WDR87: variants seen among roughly 807,000 people sequenced by gnomAD.
The protein encoded by WDR87 is WD repeat domain 87, also known as WD repeat-containing protein 87.
WDR87 carries 56 observed loss-of-function variants against 83.3 expected under a neutral mutation model. The observed-to-expected ratio is 0.67, with a 90% CI of 0.54 to 0.84. WDR87 has a LOEUF of 0.84. Ranked by LOEUF, WDR87 falls within the 40% of genes least tolerant of loss-of-function variation. The pLI, the probability that WDR87 is intolerant of heterozygous loss-of-function variation, is 0.00. For missense variants in WDR87, 2,939 were observed against 3,431.9 expected (o/e 0.86, Z 3.59); for synonymous variants, 1,173 against 1,250.6 (o/e 0.94, Z 1.31).
intron 1 of WDR87, 147 bp from the exon 2 acceptor site, chr19:37,898,432 C>T (rs1428995907): frequency 3.3e-5 from 35 of 1,062,620 alleles, no homozygotes; most frequent in Non-Finnish European, 4.5e-5. Flanking sequence ...ATTTCATCCA[C>T]TCTACAGCCC....
intron 1 of WDR87, among the ~76,000 whole-genome samples, chr19:37,899,416 CAAAAAAA>C (rs11378161): frequency 1.3e-5 from 1 of 79,268 alleles, no homozygotes; most frequent in African/African-American, 5.1e-5. Flanking sequence ...GACTCAGTCT[CAAAAAAA>C]AAAAAAAAAA....
Position 37,892,831 on chromosome 19 carries a change from G to A in WDR87, c.2872C>T (p.Arg958Cys), listed in dbSNP as rs868014527. ...FASYQVSPAL[R>C]SETARRLLND... ...AGTAGCCGACGGGCTGTCTCAGAGCGTAGGGCTGGGGACACCTGGTAAGAG... is the reference window on the plus strand; with the variant it reads ...AGTAGCCGACGGGCTGTCTCAGAGCATAGGGCTGGGGACACCTGGTAAGAG... The change falls in exon 4 of 6, where the codon CGC becomes TGC. Residue 958 changes from arginine (R) to cysteine (C), a missense_variant. Arg to Cys is a radical substitution (Grantham distance 180). This residue lies in a region of WDR87 where 2,160 missense variants were observed against 2,533.1 expected (regional missense o/e 0.85). Coordinates refer to ENST00000447313, the MANE Select transcript of WDR87 (RefSeq NM_001291088.2). 7.7e-6 allele frequency: 12 copies of A among 1,551,692 alleles called. No individual in the cohort carries two copies. The highest frequency in any genetic ancestry group is 2.4e-5 in the East Asian group (1 of 40,932).
At chr19:37,899,697 C>T (rs1278480942) in intron 1 of WDR87, among the ~76,000 whole-genome samples, 1 of 152,174 alleles carries the variant, frequency 6.6e-6, no homozygotes, top group Non-Finnish European at 1.5e-5. Context: ...ATCCTCCTAC[C>T]TTGGCCTCCC....
Position 37,889,460 on chromosome 19 carries a change from A to T in WDR87, c.4211T>A (p.Val1404Glu). 6.4e-7 allele frequency: 1 copy of T among 1,551,462 alleles called. No individual in the cohort carries two copies. Among genetic ancestry groups the T allele is most frequent in the Non-Finnish European group, 8.7e-7 (1 of 1,146,930 alleles). The change falls in exon 6 of 6, where the codon GTG becomes GAG. Residue 1404 changes from valine to glutamate, a missense_variant. Physicochemically the swap from Val to Glu is moderately radical, Grantham distance 121. Transcript: ENST00000447313. ...RDMLGLEETQ[V>E]ILKKGKKVIF... is the part of the protein sequence containing the mutation. ...AACTTTCTTGCCCTTTTTCAAAATC[A>T]CTTGGGTTTCCTCCAAGCCCAGCAT...
rs2046167125 is a variant in WDR87 at position 37,888,077 on chromosome 19, A to C, written c.5594T>G (p.Leu1865Arg). The change falls in exon 6 of 6, where the codon CTC becomes CGC. Residue 1865 changes from leucine to arginine, a missense_variant. Physicochemically the swap from Leu to Arg is moderately radical, Grantham distance 102. Coordinates refer to ENST00000447313, the MANE Select transcript of WDR87 (RefSeq NM_001291088.2). ...RERWINSMEE[L>R]TKNKMILYQK... The stretch of plus-strand genomic sequence containing the variant: ...GTACAGTATCATCTTGTTCTTTGTG[A>C]GTTCTTCCATGCTGTTGATCCATCT... 1.9e-6 allele frequency: 3 copies of C among 1,551,344 alleles called. No individual in the cohort carries two copies. The African/African-American group carries it at 4.1e-5, about 21-fold the overall frequency.
Position 37,888,640 on chromosome 19 carries a change from G to C in WDR87, c.5031C>G (p.Ala1677=). The change falls in exon 6 of 6, where the codon GCC becomes GCG. Residue 1677 remains alanine (A), a synonymous_variant. Transcript: ENST00000447313. ...TTTGGGCCAGTGTTTCCTCTTTCTG[G>C]GCAAACTTACCCTCTGCCTGGGCCA... ...REMAQAEGKF[A]QKEETLAQRG... The C allele has an allele frequency of 6.4e-7, 1 of 1,551,420 alleles. No individual in the cohort carries two copies. Among genetic ancestry groups the C allele is most frequent in the Middle Eastern group, 1.7e-4 (1 of 5,992 alleles).
Position 37,889,900 on chromosome 19 carries a change from C to T in WDR87, c.3771G>A (p.Lys1257=). The T allele has an allele frequency of 6.4e-7, 1 of 1,551,524 alleles. No individual in the cohort carries two copies. The highest frequency in any genetic ancestry group is 8.7e-7 in the Non-Finnish European group (1 of 1,146,984). The change falls in exon 6 of 6, where the codon AAG becomes AAA. Residue 1257 remains lysine (K), a synonymous_variant. Coordinates refer to ENST00000447313, the MANE Select transcript of WDR87 (RefSeq NM_001291088.2). ...AGGCTCCCCGCCCTTGGATTTTAAC[C>T]TTTTTAGTAACTGGCTGTTCCATTA... ...PPVMEQPVTK[K]VKIQGRGASG...
At position 37,888,552 on chromosome 19, in the gene WDR87, T is replaced by C. The variant is rs568965526; in HGVS notation, c.5119A>G (p.Lys1707Glu). 1.3e-6 allele frequency: 2 copies of C among 1,551,766 alleles called. No individual in the cohort carries two copies. Among genetic ancestry groups the C allele is most frequent in the Non-Finnish European group, 1.7e-6 (2 of 1,147,032 alleles). ...LAQKRKKLAK[K>E]WEKVAREEEK... is the part of the protein sequence containing the mutation. ...TCTTCTCTAGCCACTTTCTCCCATTTCTTGGCCAGTTTCTTCCTTTTCTGG... is the reference window on the plus strand; with the variant it reads ...TCTTCTCTAGCCACTTTCTCCCATTCCTTGGCCAGTTTCTTCCTTTTCTGG... Residue 1707 changes from lysine to glutamate, a missense_variant, in exon 6 of 6, where the codon AAA (lysine) becomes GAA (glutamate). Lys to Glu is a moderately conservative substitution (Grantham distance 56). Around this residue, in one of 3 missense-constraint regions of WDR87, gnomAD observed 2,160 missense variants for 2,533.1 expected, o/e 0.85. Coordinates refer to ENST00000447313, the MANE Select transcript of WDR87 (RefSeq NM_001291088.2).
chr19:37,888,023 T>A lies in WDR87; in HGVS notation c.5648A>T (p.Lys1883Met), dbSNP rs1292526728. The change falls in exon 6 of 6, where the codon AAG (lysine) becomes ATG (methionine). Residue 1883 changes from lysine to methionine, a missense_variant. Around this residue, in one of 3 missense-constraint regions of WDR87, gnomAD observed 2,160 missense variants for 2,533.1 expected, o/e 0.85. Transcript: ENST00000447313. ...TTTTTCCTTCTCCTGGGCCAGATTC[T>A]TCTTTTCCTGAGCCAGATTCTTCTT... is the stretch of plus-strand genomic sequence containing the variant. ...YQKKNLAQEK[K>M]NLAQEKEKLA... The A allele has an allele frequency of 6.4e-7, 1 of 1,551,298 alleles. No homozygotes were observed. Among genetic ancestry groups the A allele is most frequent in the Non-Finnish European group, 8.7e-7 (1 of 1,146,904 alleles).
In WDR87 at chr19:37,888,724, G is replaced by C; in HGVS notation, c.4947C>G (p.Ala1649=). ...CCTGGGCCAGTTTTCTCTCTTCCTGGGCCAACTGTCTCTCTTCTTGTGCAA... is the reference window on the plus strand; with the variant it reads ...CCTGGGCCAGTTTTCTCTCTTCCTGCGCCAACTGTCTCTCTTCTTGTGCAA... ...EKLAQEERQL[A]QEERKLAQAY... Residue 1649 remains alanine, a synonymous_variant, in exon 6 of 6, where the codon GCC becomes GCG. Transcript: ENST00000447313. 1.3e-6 allele frequency: 2 copies of C among 1,551,698 alleles called. No homozygotes were observed. The highest frequency in any genetic ancestry group is 1.7e-6 in the Non-Finnish European group (2 of 1,147,030).
intron 1 of WDR87, among the ~76,000 whole-genome samples, chr19:37,899,445 A>C (rs1391099682): frequency 6.6e-6 from 1 of 151,558 alleles, no homozygotes; most frequent in Non-Finnish European, 1.5e-5. Context: ...AAGGAAAAAA[A>C]AAGAAAAAAA....
rs1257035869 is a variant in WDR87 at position 37,889,668 on chromosome 19, T to G, written c.4003A>C (p.Lys1335Gln). Residue 1335 changes from lysine (K) to glutamine (Q), a missense_variant, in exon 6 of 6, where the codon AAA (lysine) becomes CAA (glutamine). Physicochemically the swap from Lys to Gln is moderately conservative, Grantham distance 53 (BLOSUM62 1). Transcript: ENST00000447313. ...LFQEICPLLK[K>Q]ESKVLLEDLD... ...TCCTCAAGCAGAACCTTACTTTCTT[T>G]CTTCAATAGGGGGCAGATCTCCTGA... The G allele has an allele frequency of 1.3e-6, 2 of 1,551,678 alleles. No homozygotes were observed. The highest frequency in any genetic ancestry group is 2.7e-5 in the African/African-American group (2 of 73,034).
rs2046145530 is a variant in WDR87 at position 37,886,443 on chromosome 19, T to C, written c.7228A>G (p.Arg2410Gly). The change falls in exon 6 of 6, where the codon AGA becomes GGA. Residue 2410 changes from arginine (R) to glycine (G), a missense_variant. Around this residue, in one of 3 missense-constraint regions of WDR87, gnomAD observed 2,160 missense variants for 2,533.1 expected, o/e 0.85. Coordinates refer to ENST00000447313, the MANE Select transcript of WDR87 (RefSeq NM_001291088.2). Reference sequence around the variant, plus strand: ...CTGCCTTTGCCATGAGGAACTCCTCTTAAAATGGAAAGGACTCTTTCCCTT... The same window carrying C: ...CTGCCTTTGCCATGAGGAACTCCTCCTAAAATGGAAAGGACTCTTTCCCTT... Reference protein sequence around the residue: ...RGRERVLSILRGVPHGKGRAI... With the variant: ...RGRERVLSILGGVPHGKGRAI... 1 of 1,528,820 alleles carries C rather than the reference T, an allele frequency of 6.5e-7. No individual in the cohort carries two copies. The highest frequency in any genetic ancestry group is 1.4e-5 in the African/African-American group (1 of 71,310). 94.7% of individuals were successfully genotyped at this position (1,528,820 alleles called of 1,614,324 possible). A position where few individuals can be genotyped will look rare whatever the true frequency, so the allele number is the denominator to read the frequency against.
rs1333711970 is a variant in WDR87, at chr19:37,889,721, A to G, written c.3950T>C (p.Val1317Ala). The G allele has an allele frequency of 5.2e-6, 8 of 1,551,680 alleles. No homozygotes were observed. Among genetic ancestry groups the G allele is most frequent in the African/African-American group, 1.4e-5 (1 of 73,154 alleles). Residue 1317 changes from valine (V) to alanine (A), a missense_variant, in exon 6 of 6, where the codon GTA (valine) becomes GCA (alanine). By Grantham distance (64) the Val-to-Ala change is moderately conservative. Coordinates refer to ENST00000447313, the MANE Select transcript of WDR87 (RefSeq NM_001291088.2). ...ELVTFAQEML[V>A]DRHPSWELFQ... ...GAGTTCCCAGCTGGGGTGCCTATCT[A>G]CCAGCATCTCCTGAGCAAATGTCAC...
chr19:37,896,152 T>G lies in WDR87; in HGVS notation c.232A>C (p.Thr78Pro), dbSNP rs1168690268. Reference protein sequence around the residue: ...FASLSWVTSNTKEIQAVAWMK... With the variant: ...FASLSWVTSNPKEIQAVAWMK... ...GGCAGTCTTACTTGTATTTCTTTTG[T>G]GTTTGATGTCACCCAAGAGAGGGAG... The change falls in exon 3 of 6, where the codon ACA (threonine) becomes CCA (proline). Residue 78 changes from threonine to proline, a missense_variant. Around this residue, in one of 3 missense-constraint regions of WDR87, gnomAD observed 226 missense variants for 320.9 expected, o/e 0.70. Transcript: ENST00000447313. The G allele has an allele frequency of 5.8e-6, 9 of 1,552,190 alleles. No homozygotes were observed. Among genetic ancestry groups the G allele is most frequent in the African/African-American group, 4.1e-5 (3 of 73,034 alleles).
At position 37,887,851 on chromosome 19, in the gene WDR87, A is replaced by G. The variant is rs1408692961; in HGVS notation, c.5820T>C (p.Thr1940=). The change falls in exon 6 of 6, where the codon ACT becomes ACC. Residue 1940 remains threonine (T), a synonymous_variant. Transcript: ENST00000447313. ...VEEKLTQEKE[T]VIKKKEKLAE... ...CCAGTTTCTCCTTCTTCTTGATCAC[A>G]GTCTCCTTTTCCTGTGTCAGCTTCT... The G allele has an allele frequency of 6.4e-7, 1 of 1,550,852 alleles. No homozygotes were observed.
intron 1 of WDR87, among the ~76,000 whole-genome samples, chr19:37,900,484 A>G (rs2046286288): frequency 6.9e-6 from 1 of 144,876 alleles, no homozygotes; most frequent in South Asian, 2.3e-4. Context: ...TCGCTTCAAC[A>G]TGGGAGACAG....
At position 37,885,675 on chromosome 19, in the gene WDR87, C is replaced by T. The variant is rs2145415037; in HGVS notation, c.7996G>A (p.Ala2666Thr). The T allele has an allele frequency of 1.3e-6, 2 of 1,551,768 alleles. No individual in the cohort carries two copies. The highest frequency in any genetic ancestry group is 3.3e-4 in the Middle Eastern group (2 of 5,994). ...LAVPTQKSPL[A>T]TKRIPDPRAK... ...CTTGGGTCTGGAATCCTCTTGGTAG[C>T]TAATGGGGACTTTTGTGTGGGGACA... The change falls in exon 6 of 6, where the codon GCT becomes ACT. Residue 2666 changes from alanine (A) to threonine (T), a missense_variant. By Grantham distance (58) the Ala-to-Thr change is moderately conservative. Transcript: ENST00000447313.
Position 37,898,067 on chromosome 19 carries a change from T to C in WDR87, c.75+98A>G, listed in dbSNP as rs2046270149. On this transcript the variant is annotated intron_variant, in intron 2 of 5. Transcript: ENST00000447313. ...ACTATAGTATACCCTGTTTGCTTCC[T>C]GTTCTCAAGGACAATCTGTGGCTCT... is the stretch of plus-strand genomic sequence containing the variant. 2.1e-6 allele frequency: 3 copies of C among 1,425,288 alleles called. No individual in the cohort carries two copies. In the South Asian group the frequency reaches 3.9e-5, roughly 19 times the overall value. 88.3% of individuals were successfully genotyped at this position (1,425,288 alleles called of 1,614,324 possible).
Sources: allele counts gnomAD v4.1 joint callset (sites outside exome capture counted in the v4.1 genomes callset), GRCh38; gene constraint gnomAD v4.1.1; regional missense constraint gnomAD v4.1.1; transcripts MANE v1.5; gene names NCBI Gene and HGNC (gene_info 2026-07-23, HGNC 2026-07-21).